Variants in DET1 observed in about 807,000 individuals in gnomAD.
DET1 encodes the protein DET1 partner of COP1 E3 ubiquitin ligase, also known as DET1 homolog.
In DET1, 22 loss-of-function variants were observed where a neutral mutation model predicts 43.7. That is an observed-to-expected ratio of 0.50 (90% CI 0.36 to 0.72). The LOEUF (loss-of-function observed/expected upper bound fraction) is 0.72, where lower values mean the gene tolerates loss of function less well. Ranked by LOEUF, DET1 falls within the 30% of genes least tolerant of loss-of-function variation. The pLI is 0.00. For missense variants in DET1, 713 were observed against 713.3 expected (o/e 1.00, Z 0.00); for synonymous variants, 315 against 266.2 (o/e 1.18, Z -1.79).
chr15:88,508,103 A>G (rs775096349), downstream of DET1, among the ~76,000 whole-genome samples: 1 of 152,186 alleles, frequency 6.6e-6, no homozygotes, highest in African/African-American at 2.4e-5. Context: ...CTGTTTCCCA[A>G]CACCCCCAGA....
chr15:88,538,503 C>CA (rs1275498610), intron 1 of DET1, among the ~76,000 whole-genome samples: 3 of 151,654 alleles, frequency 2.0e-5, no homozygotes, highest in African/African-American at 7.3e-5. Context: ...CTTCCTAAAC[C>CA]AAGGTATAAA....
At chr15:88,524,426 C>A (rs1016594412) in intron 3 of DET1, among the ~76,000 whole-genome samples, 1 of 150,992 alleles carries the variant, frequency 6.6e-6, no homozygotes, top group Non-Finnish European at 1.5e-5. Context: ...AGTGAGGAGC[C>A]CCTCTGCCCA....
At chr15:88,534,135 G>A (rs941992242) in intron 1 of DET1, among the ~76,000 whole-genome samples, 96 of 152,178 alleles carry the variant, frequency 6.3e-4, no homozygotes, top group African/African-American at 2.1e-3. Flanking sequence ...ATAAAAATAT[G>A]TTTTAATATT....
chr15:88,522,828 C>G (rs1285312814), intron 3 of DET1, among the ~76,000 whole-genome samples: 1 of 151,296 alleles, frequency 6.6e-6, no homozygotes, highest in Non-Finnish European at 1.5e-5. Context: ...CTGGAATGTT[C>G]CTGTTTTTAT....
At chr15:88,517,227 T>TC (rs1209735321) in intron 3 of DET1, among the ~76,000 whole-genome samples, 1 of 148,844 alleles carries the variant, frequency 6.7e-6, no homozygotes, top group Non-Finnish European at 1.5e-5. Context: ...GTTTTGGGTT[T>TC]TTTTTTTTTT....
chr15:88,525,541 G>C (rs1196578936), intron 3 of DET1, among the ~76,000 whole-genome samples: 1 of 152,230 alleles, frequency 6.6e-6, no homozygotes, highest in East Asian at 1.9e-4. Context: ...CCACAGGGCA[G>C]ACACTGGCCT....
intron 1 of DET1, among the ~76,000 whole-genome samples, chr15:88,543,045 G>C (rs956210193): frequency 1.3e-5 from 2 of 152,210 alleles, no homozygotes; most frequent in African/African-American, 4.8e-5. Flanking sequence ...ATGGCCCATT[G>C]ATTTGGACAG....
chr15:88,533,596 C>T (rs1244723989), intron 1 of DET1, among the ~76,000 whole-genome samples: 2 of 152,106 alleles, frequency 1.3e-5, no homozygotes, highest in Non-Finnish European at 2.9e-5. Context: ...GAATATTACT[C>T]GGCCTTCAAA....
At chr15:88,520,407 A>T in intron 3 of DET1, among the ~76,000 whole-genome samples, 1 of 152,128 alleles carries the variant, frequency 6.6e-6, no homozygotes, top group Non-Finnish European at 1.5e-5. Flanking sequence ...GTCACCAATG[A>T]CCTGCACATT....
chr15:88,514,030 A>C (rs1406431364), intron 4 of DET1, among the ~76,000 whole-genome samples: 1 of 149,428 alleles, frequency 6.7e-6, no homozygotes, highest in Non-Finnish European at 1.5e-5. Flanking sequence ...CGATCTCCTG[A>C]CCTCGTGATC....
intron 3 of DET1, among the ~76,000 whole-genome samples, chr15:88,522,512 GTTTT>G (rs55764530): frequency 1.2e-5 from 1 of 80,296 alleles, no homozygotes; most frequent in East Asian, 4.0e-4. Flanking sequence ...AATGTTCCTG[GTTTT>G]TTTTTTTTTT....
In DET1 at chr15:88,516,236, C is replaced by T. The variant is rs1229862633; in HGVS notation, c.1463+546G>A. ...AGAACAGGCTCCATATATGTAGTGACAGTTGGGTCTGTGAACTAGACTTCT... is the reference window on the plus strand; with the variant it reads ...AGAACAGGCTCCATATATGTAGTGATAGTTGGGTCTGTGAACTAGACTTCT... On this transcript the variant is annotated intron_variant, in intron 4 of 4. Transcript: ENST00000268148. The surrounding 1 kb of genome is among the most constrained non-coding windows in gnomAD (Gnocchi z 4.4). 6.6e-6 allele frequency among the ~76,000 whole-genome samples: 1 copy of T among 152,166 alleles called. No homozygotes were observed. The highest frequency in any genetic ancestry group is 2.4e-5 in the African/African-American group (1 of 41,420).
intron 3 of DET1, among the ~76,000 whole-genome samples, chr15:88,523,124 C>T (rs1169223720): frequency 6.6e-6 from 1 of 152,012 alleles, no homozygotes; most frequent in Non-Finnish European, 1.5e-5. Flanking sequence ...GATCAGTCCA[C>T]GCCAACCTCC....
At chr15:88,525,908 T>G (rs2056651630) in intron 3 of DET1, among the ~76,000 whole-genome samples, 1 of 149,044 alleles carries the variant, frequency 6.7e-6, no homozygotes, top group South Asian at 2.1e-4. Flanking sequence ...AAACTTGGAC[T>G]CAAGCAATCC....
downstream of DET1, among the ~76,000 whole-genome samples, chr15:88,508,703 G>A (rs1185997479): frequency 4.5e-5 from 6 of 131,892 alleles, no homozygotes; most frequent in East Asian, 1.2e-3. Context: ...AGGAGGGGTG[G>A]AGACAGAGAC....
rs546315254 is a variant in DET1, at chr15:88,522,869, GT to G, written c.1271+4729del. 1.1e-4 allele frequency among the ~76,000 whole-genome samples: 15 copies of G among 137,004 alleles called. No individual in the cohort carries two copies. In the South Asian group the frequency reaches 1.2e-3, roughly 11 times the overall value. 89.9% of individuals were successfully genotyped at this position (137,004 alleles called of 152,430 possible). On this transcript the variant is annotated intron_variant, in intron 3 of 4. Coordinates refer to ENST00000268148, the MANE Select transcript of DET1 (RefSeq NM_001144074.3). ...CAATTGATTCAGCGAATGTAACATT[GT>G]TTTTTTTTTCTTCTTCTTTTTTTTT...
At chr15:88,510,752 T>C (rs144866946), downstream of DET1, among the ~76,000 whole-genome samples, 3 of 151,238 alleles carry the variant, frequency 2.0e-5, no homozygotes, top group East Asian at 4.0e-4. Flanking sequence ...TTGGTTGTTG[T>C]TGTTTTGTTT....
At chr15:88,518,866 C>A (rs1332838650) in intron 3 of DET1, among the ~76,000 whole-genome samples, 2 of 152,142 alleles carry the variant, frequency 1.3e-5, no homozygotes, top group Admixed American at 1.3e-4. Context: ...CACTTTTCTG[C>A]TCCCCCTAAA....
At chr15:88,512,048 C>T (rs965913375), downstream of DET1, among the ~76,000 whole-genome samples, 3 of 152,174 alleles carry the variant, frequency 2.0e-5, no homozygotes, top group Admixed American at 6.5e-5. Flanking sequence ...CAGGTATTTG[C>T]GGGATGGCTG....
Sources: allele counts gnomAD v4.1 joint callset (sites outside exome capture counted in the v4.1 genomes callset), GRCh38; gene constraint gnomAD v4.1.1; non-coding constraint Gnocchi (gnomAD v3.1); transcripts MANE v1.5; gene names NCBI Gene and HGNC (gene_info 2026-07-23, HGNC 2026-07-21).